Variants in ING5 observed in about 807,000 individuals in gnomAD.
The protein encoded by ING5 is inhibitor of growth family member 5, also known as inhibitor of growth protein 5.
A neutral mutation model predicts 37.4 loss-of-function variants in ING5; 17 were observed. The observed-to-expected ratio is 0.45, with a 90% confidence interval of 0.31 to 0.68. The LOEUF is 0.68. Among genes scored for constraint, ING5 ranks in the 30% least tolerant of loss-of-function variants. ING5 has a pLI of 0.05. For missense variants in ING5, 233 were observed against 311.9 expected (o/e 0.75, Z 1.91); for synonymous variants, 123 against 116.6 (o/e 1.06, Z -0.36).
intron 5 of ING5, chr2:241,719,713 C>A: frequency 6.7e-7 from 1 of 1,493,990 alleles, no homozygotes. Flanking sequence ...GAGGGCTCTG[C>A]CCAGCTTCAG....
intron 1 of ING5, among the ~76,000 whole-genome samples, chr2:241,703,939 C>T (rs574585593): frequency 1.3e-5 from 2 of 152,122 alleles, no homozygotes; most frequent in Non-Finnish European, 1.5e-5. Context: ...TGCATAAAGT[C>T]GCGTGGGCAG....
chr2:241,688,377 G>GT (rs985683294), intron 1 of ING5, among the ~76,000 whole-genome samples: 12 of 152,182 alleles, frequency 7.9e-5, no homozygotes, highest in African/African-American at 2.7e-4. Flanking sequence ...GTTTGCATTG[G>GT]TTTTTTCCCC....
At chr2:241,701,190 C>G (rs980210823), upstream of ING5, among the ~76,000 whole-genome samples, 1 of 151,536 alleles carries the variant, frequency 6.6e-6, no homozygotes, top group African/African-American at 2.4e-5. Context: ...TCTCAAATTC[C>G]TGCCCTCAAG....
At chr2:241,699,777 A>G (rs950895080), upstream of ING5, among the ~76,000 whole-genome samples, 3 of 151,858 alleles carry the variant, frequency 2.0e-5, no homozygotes, top group Non-Finnish European at 4.4e-5. Flanking sequence ...TCTTGAGATC[A>G]CAGGGAGTGG....
intron 2 of ING5, 129 bp from the exon 3 acceptor site, chr2:241,709,087 A>G: frequency 3.0e-6 from 3 of 987,944 alleles, no homozygotes; most frequent in East Asian, 2.4e-5. Context: ...TCCCACCAGC[A>G]CAGCGTGAGT....
intron 5 of ING5, among the ~76,000 whole-genome samples, chr2:241,713,989 CA>C (rs781230058): frequency 0.022 from 2,276 of 104,372 alleles, 45 homozygotes; most frequent in African/African-American, 0.064. Flanking sequence ...AACTCCGTCT[CA>C]AAAAAAAAAA....
Position 241,719,896 on chromosome 2 carries a change from C to T in ING5, c.483-3043C>T, listed in dbSNP as rs1367984332. 3.0e-6 allele frequency: 4 copies of T among 1,330,558 alleles called. No individual in the cohort carries two copies. The African/African-American group carries it at 5.9e-5, about 20-fold the overall frequency. The allele number at this position is 1,330,558 out of a possible 1,614,324, so 82.4% of individuals were successfully genotyped here. A position where few individuals can be genotyped will look rare whatever the true frequency, so the allele number is the denominator to read the frequency against. The stretch of plus-strand genomic sequence containing the variant: ...AGTAGTGACAGATGAGAAGGGTGAT[C>T]ACCGATGGCGACAGTTGCGGGGCCC... On this transcript the variant is annotated intron_variant, in intron 5 of 7. Coordinates refer to ENST00000313552, the MANE Select transcript of ING5 (RefSeq NM_032329.6).
upstream of ING5, among the ~76,000 whole-genome samples, chr2:241,698,416 CA>C (rs544307159): frequency 9.8e-3 from 1,235 of 125,582 alleles, 11 homozygotes; most frequent in Middle Eastern, 0.013. Flanking sequence ...TTTGAGGTCT[CA>C]AAAAAAAAAA....
chr2:241,698,369 C>T (rs971255682), upstream of ING5, among the ~76,000 whole-genome samples: 8 of 150,988 alleles, frequency 5.3e-5, no homozygotes, highest in Non-Finnish European at 8.8e-5. Flanking sequence ...GGCGTGGATC[C>T]GGGAGGTGGA....
chr2:241,691,041 T>C (rs1312852084), intron 2 of ING5, among the ~76,000 whole-genome samples: 2 of 150,956 alleles, frequency 1.3e-5, no homozygotes, highest in Non-Finnish European at 3.0e-5. Context: ...ACTCCTGACC[T>C]CAGGTGAGTC....
intron 7 of ING5, chr2:241,723,774 G>A (rs764103749): frequency 6.3e-7 from 1 of 1,598,252 alleles, no homozygotes; most frequent in Non-Finnish European, 8.5e-7. Context: ...GCAACTTTCT[G>A]CATTGTTGTT....
intron 5 of ING5, chr2:241,719,374 AC>A: frequency 6.3e-6 from 4 of 637,572 alleles, no homozygotes; most frequent in Non-Finnish European, 1.1e-5. Flanking sequence ...ACCCCCCAAC[AC>A]CCCCCACTCT....
chr2:241,719,258 A>G (rs1199475054), intron 5 of ING5, among the ~76,000 whole-genome samples: 2 of 152,222 alleles, frequency 1.3e-5, no homozygotes, highest in Admixed American at 1.3e-4. Flanking sequence ...TGGACTATAA[A>G]TGTCGGTGGG....
At position 241,725,682 on chromosome 2, in the gene ING5, CTTCA is replaced by C. The variant is rs1255742789; in HGVS notation, c.*654_*657del. 6.6e-6 allele frequency: 1 copy of C among 152,656 alleles called. No homozygotes were observed. The highest frequency in any genetic ancestry group is 2.4e-5 in the African/African-American group (1 of 41,472). 9.5% of individuals were successfully genotyped at this position (152,656 alleles called of 1,614,324 possible). On this transcript the variant is annotated 3_prime_UTR_variant, in exon 8 of 8. Coordinates refer to ENST00000313552, the MANE Select transcript of ING5 (RefSeq NM_032329.6). ...GGACTCACCTCCGGAGTAAACGGCT[CTTCA>C]TTAGCTTGGAGTGGCCGCAGGTCCC...
At position 241,722,935 on chromosome 2, in the gene ING5, G is replaced by C; in HGVS notation, c.483-4G>C. Reference sequence around the variant, plus strand: ...CAGTGGTGCCTGTGCCCTGTCCCCTGCAGGTCTGAGTTCACTGACACCATC... The same window carrying C: ...CAGTGGTGCCTGTGCCCTGTCCCCTCCAGGTCTGAGTTCACTGACACCATC... On this transcript the variant is annotated splice_polypyrimidine_tract_variant and splice_region_variant and intron_variant, in intron 5 of 7. Transcript: ENST00000313552. 1.2e-6 allele frequency: 2 copies of C among 1,613,760 alleles called. No homozygotes were observed. Among genetic ancestry groups the C allele is most frequent in the South Asian group, 1.1e-5 (1 of 91,084 alleles).
intron 5 of ING5, 112 bp downstream of exon 5, chr2:241,712,183 G>A: frequency 1.2e-6 from 1 of 866,774 alleles, no homozygotes; most frequent in Non-Finnish European, 1.8e-6. Flanking sequence ...CGTGTGCCGG[G>A]TGGTATTCTG....
chr2:241,692,293 A>C (rs531090168), intron 2 of ING5, among the ~76,000 whole-genome samples: 40 of 151,630 alleles, frequency 2.6e-4, no homozygotes, highest in African/African-American at 8.0e-4. Context: ...TTTCCCTTTG[A>C]GATTTTTTTT....
upstream of ING5, among the ~76,000 whole-genome samples, chr2:241,699,561 C>T (rs2069682703): frequency 6.6e-6 from 1 of 152,094 alleles, no homozygotes; most frequent in African/African-American, 2.4e-5. Flanking sequence ...ATTTGAGTCA[C>T]AGCAGCTGGC....
intron 5 of ING5, chr2:241,719,540 C>G (rs1427063142): frequency 6.5e-7 from 1 of 1,536,048 alleles, no homozygotes; most frequent in Admixed American, 2.0e-5. Flanking sequence ...AAGGCCCTGT[C>G]CCGACCGTGC....
Sources: allele counts gnomAD v4.1 joint callset (sites outside exome capture counted in the v4.1 genomes callset), GRCh38; gene constraint gnomAD v4.1.1; transcripts MANE v1.5; gene names NCBI Gene and HGNC (gene_info 2026-07-23, HGNC 2026-07-21).